OXCT1: variants seen among roughly 807,000 people sequenced by gnomAD.
OXCT1 encodes the protein succinyl-CoA:3-ketoacid coenzyme A transferase 1, mitochondrial.
In OXCT1, 27 loss-of-function variants were observed where a neutral mutation model predicts 69.6. The observed-to-expected ratio is 0.39, with a 90% CI of 0.29 to 0.54. The LOEUF is 0.54. Among genes scored for constraint, OXCT1 ranks in the 20% least tolerant of loss-of-function variants. The pLI is 0.72. For synonymous variants in OXCT1, 202 were observed against 217.8 expected (o/e 0.93, Z 0.64); for missense variants, 437 against 650.2 (o/e 0.67, Z 3.57).
At chr5:41,830,837 G>A (rs916086037) in intron 7 of OXCT1, among the ~76,000 whole-genome samples, 1 of 152,120 alleles carries the variant, frequency 6.6e-6, no homozygotes, top group African/African-American at 2.4e-5. Context: ...TAAGAGAGAA[G>A]GAATTATGCT....
intron 13 of OXCT1, among the ~76,000 whole-genome samples, chr5:41,788,761 C>G (rs900738986): frequency 2.0e-5 from 3 of 152,108 alleles, no homozygotes; most frequent in African/African-American, 4.8e-5. Context: ...AACACTTGAA[C>G]AATACTAACT....
intron 13 of OXCT1, among the ~76,000 whole-genome samples, chr5:41,783,497 C>A (rs1461118701): frequency 2.0e-5 from 3 of 152,160 alleles, no homozygotes; most frequent in Admixed American, 2.0e-4. Context: ...AATGTTTCTT[C>A]TTCTCCTTTT....
chr5:41,861,064 A>C (rs1749708953), intron 3 of OXCT1, among the ~76,000 whole-genome samples: 1 of 152,178 alleles, frequency 6.6e-6, no homozygotes, highest in Admixed American at 6.5e-5. Flanking sequence ...AGCACATCAC[A>C]TTAAGATATA....
intron 15 of OXCT1, among the ~76,000 whole-genome samples, chr5:41,743,028 A>G (rs1225721059): frequency 2.6e-5 from 4 of 152,252 alleles, no homozygotes; most frequent in Admixed American, 1.3e-4. Flanking sequence ...GGTATTTCTA[A>G]TTCTAGATCC....
At chr5:41,777,931 A>C (rs971676883) in intron 13 of OXCT1, among the ~76,000 whole-genome samples, 1 of 152,226 alleles carries the variant, frequency 6.6e-6, no homozygotes, top group Non-Finnish European at 1.5e-5. Context: ...CTTTTAATAC[A>C]GCCATTTTTG....
chr5:41,800,996 G>T, intron 11 of OXCT1, 26 bp downstream of exon 11: 1 of 1,598,842 alleles, frequency 6.3e-7, no homozygotes. Context: ...ATAGCAAAGG[G>T]AAGGGCTAGA....
chr5:41,804,507 T>G (rs1746576255), intron 9 of OXCT1, among the ~76,000 whole-genome samples: 1 of 152,030 alleles, frequency 6.6e-6, no homozygotes, highest in Non-Finnish European at 1.5e-5. Context: ...AGTATTATAG[T>G]CAGTGTTTAA....
intron 2 of OXCT1, 34 bp from the exon 3 acceptor site, chr5:41,861,438 AG>A (rs1282673089): frequency 8.5e-7 from 1 of 1,180,324 alleles, no homozygotes. Context: ...CAATTTGTAA[AG>A]GGGGTAACAA....
intron 7 of OXCT1, among the ~76,000 whole-genome samples, chr5:41,818,455 T>G (rs1747360203): frequency 6.6e-6 from 1 of 152,140 alleles, no homozygotes; most frequent in Non-Finnish European, 1.5e-5. Flanking sequence ...AACCTAATTT[T>G]GGAAAAGCTA....
At chr5:41,771,794 A>G (rs1579703132) in intron 13 of OXCT1, among the ~76,000 whole-genome samples, 1 of 152,350 alleles carries the variant, frequency 6.6e-6, no homozygotes, top group East Asian at 1.9e-4. Flanking sequence ...AATAAATTAC[A>G]TATTTAAAAA....
intron 13 of OXCT1, among the ~76,000 whole-genome samples, chr5:41,782,309 G>A (rs962475111): frequency 6.6e-6 from 1 of 151,670 alleles, no homozygotes; most frequent in East Asian, 1.9e-4. Context: ...CCACCTCCTG[G>A]GTTCAAGTGA....
At chr5:41,826,278 C>T (rs142845578) in intron 7 of OXCT1, among the ~76,000 whole-genome samples, 2 of 152,194 alleles carry the variant, frequency 1.3e-5, no homozygotes, top group East Asian at 1.9e-4. Context: ...TTTTAGGAAT[C>T]GGAGGCATTA....
intron 16 of OXCT1, among the ~76,000 whole-genome samples, chr5:41,737,755 G>A (rs1394663258): frequency 2.0e-5 from 3 of 152,104 alleles, no homozygotes; most frequent in African/African-American, 4.8e-5. Flanking sequence ...AACAAAAATC[G>A]TTTTTAGAGA....
chr5:41,738,866 A>G (rs1286418570), intron 16 of OXCT1, among the ~76,000 whole-genome samples: 4 of 152,242 alleles, frequency 2.6e-5, no homozygotes, highest in African/African-American at 9.6e-5. Context: ...TTATGTACTT[A>G]TCTTCAAATA....
intron 11 of OXCT1, among the ~76,000 whole-genome samples, chr5:41,798,496 C>A (rs1183859359): frequency 6.6e-6 from 1 of 152,028 alleles, no homozygotes; most frequent in African/African-American, 2.4e-5. Context: ...CCAGGTGTGA[C>A]AATCAAAAAT....
chr5:41,847,815 C>T (rs957767704), intron 5 of OXCT1, among the ~76,000 whole-genome samples: 17 of 150,728 alleles, frequency 1.1e-4, no homozygotes, highest in Non-Finnish European at 1.3e-4. Flanking sequence ...AAACCCACAG[C>T]CAATATCATA....
At position 41,748,597 on chromosome 5, in the gene OXCT1, C is replaced by T. The variant is rs542348600; in HGVS notation, c.1419+930G>A. Among the ~76,000 whole-genome samples, 5 of 151,976 alleles carry T rather than the reference C, an allele frequency of 3.3e-5. No homozygotes were observed. The South Asian group carries it at 8.3e-4, about 25-fold the overall frequency. ...TTTATATGTTACCTTCATGGCATTCCACATAAGTAGTCCTGGGGAAGGCAT... is the reference window on the plus strand; with the variant it reads ...TTTATATGTTACCTTCATGGCATTCTACATAAGTAGTCCTGGGGAAGGCAT... On this transcript the variant is annotated intron_variant, in intron 15 of 16. Coordinates refer to ENST00000196371, the MANE Select transcript of OXCT1 (RefSeq NM_000436.4).
chr5:41,794,550 G>T, intron 12 of OXCT1, 127 bp downstream of exon 12: 2 of 844,362 alleles, frequency 2.4e-6, no homozygotes, highest in South Asian at 1.5e-5. Context: ...CCCTGCAGCC[G>T]AACAAACTCC....
At chr5:41,831,760 T>C (rs1279779380) in intron 7 of OXCT1, among the ~76,000 whole-genome samples, 1 of 152,172 alleles carries the variant, frequency 6.6e-6, no homozygotes, top group African/African-American at 2.4e-5. Flanking sequence ...GCTAAGGTGT[T>C]GGGCTCAGGA....
Sources: gnomAD v4.1 joint callset for allele counts (sites outside exome capture counted in the v4.1 genomes callset) on GRCh38, gnomAD v4.1.1 for gene constraint, MANE v1.5 for transcripts, NCBI Gene and HGNC (gene_info 2026-07-23, HGNC 2026-07-21) for gene names.